The following CAST variants were observed in gnomAD, a reference collection of about 807,000 sequenced individuals.
CAST encodes calpastatin.
Under a neutral mutation model 119.6 loss-of-function variants are expected in CAST, and 76 were observed. That is an observed-to-expected ratio of 0.64 (90% CI 0.53 to 0.77). The LOEUF (loss-of-function observed/expected upper bound fraction) is 0.77. Ranked by LOEUF, CAST falls within the 30% of genes least tolerant of loss-of-function variation. The pLI, the probability that CAST is intolerant of heterozygous loss-of-function variation, is 0.00. For synonymous variants in CAST, 319 were observed against 331.6 expected (o/e 0.96, Z 0.41); for missense variants, 953 against 946.5 (o/e 1.01, Z -0.09).
the CAST span, among the ~76,000 whole-genome samples, chr5:96,497,688 G>A: frequency 6.6e-6 from 1 of 152,122 alleles, no homozygotes. Flanking sequence ...CATATCCTTT[G>A]CCCACTTTTT....
intron 1 of CAST, among the ~76,000 whole-genome samples, chr5:96,614,677 A>G (rs984798036): frequency 1.3e-5 from 2 of 152,290 alleles, no homozygotes; most frequent in Middle Eastern, 3.4e-3. Flanking sequence ...ACCCACCTCC[A>G]TCCAAAGCCT....
the CAST span, among the ~76,000 whole-genome samples, chr5:96,226,494 T>C: frequency 9.8e-4 from 149 of 151,782 alleles, no homozygotes; most frequent in African/African-American, 3.3e-3. Context: ...CTATAAAAAA[T>C]ACAAAAAATT....
At chr5:96,093,315 TG>T in the CAST span, among the ~76,000 whole-genome samples, 1,552 of 152,134 alleles carry the variant, frequency 0.01, 32 homozygotes, top group African/African-American at 0.036. Flanking sequence ...ACAGAGAAAA[TG>T]TTTATTGAGC....
At chr5:96,234,484 A>T in the CAST span, among the ~76,000 whole-genome samples, 69 of 152,116 alleles carry the variant, frequency 4.5e-4, no homozygotes, top group African/African-American at 1.6e-3. Flanking sequence ...CCAAACAGGA[A>T]TTTTTTTTCC....
the CAST span, among the ~76,000 whole-genome samples, chr5:96,436,528 CT>C: frequency 6.6e-6 from 1 of 152,164 alleles, no homozygotes; most frequent in African/African-American, 2.4e-5. Flanking sequence ...GACAAATGAT[CT>C]TTTTATATTC....
chr5:95,975,477 T>C, the CAST span, among the ~76,000 whole-genome samples: 1 of 152,180 alleles, frequency 6.6e-6, no homozygotes, highest in Non-Finnish European at 1.5e-5. Context: ...GGTTGCAAAA[T>C]TCTCCTAACA....
chr5:96,576,821 C>T (rs139398824), intron 1 of CAST, among the ~76,000 whole-genome samples: 151 of 152,032 alleles, frequency 9.9e-4, no homozygotes, highest in African/African-American at 2.5e-3. Flanking sequence ...CCTAACTGAC[C>T]TCTTTCCAGT....
the CAST span, among the ~76,000 whole-genome samples, chr5:96,283,137 A>AAAAAAAAAAAAAAG: frequency 7.5e-6 from 1 of 132,984 alleles, no homozygotes; most frequent in Non-Finnish European, 1.5e-5. Context: ...CTCAAAAAAA[A>AAAAAAAAAAAAAAG]AAAAAAAAGA....
At chr5:96,058,855 T>G in the CAST span, among the ~76,000 whole-genome samples, 23 of 152,242 alleles carry the variant, frequency 1.5e-4, no homozygotes, top group African/African-American at 5.5e-4. Context: ...AAAGTTACTC[T>G]TATCTCCTAC....
the CAST span, among the ~76,000 whole-genome samples, chr5:96,502,636 C>A: frequency 6.6e-6 from 1 of 150,458 alleles, no homozygotes; most frequent in Admixed American, 6.7e-5. Context: ...TTCTTTCTTT[C>A]TTTCTTTCTT....
the CAST span, among the ~76,000 whole-genome samples, chr5:96,170,300 G>A: frequency 9.3e-3 from 1,416 of 152,264 alleles, 13 homozygotes; most frequent in African/African-American, 0.032. Flanking sequence ...CCGGGCTGCC[G>A]GCATTCCTTG....
chr5:96,617,291 G>A, intron 1 of CAST, among the ~76,000 whole-genome samples: 1 of 151,918 alleles, frequency 6.6e-6, no homozygotes, highest in East Asian at 1.9e-4. Flanking sequence ...ATCCCCCCAA[G>A]TCCTATCTAG....
At chr5:96,613,809 C>A (rs1490695901) in intron 1 of CAST, among the ~76,000 whole-genome samples, 2 of 152,226 alleles carry the variant, frequency 1.3e-5, no homozygotes, top group Non-Finnish European at 2.9e-5. Context: ...CAATGTACAT[C>A]TTAATCCTGT....
At chr5:96,148,227 A>T in the CAST span, among the ~76,000 whole-genome samples, 1 of 152,180 alleles carries the variant, frequency 6.6e-6, no homozygotes, top group African/African-American at 2.4e-5. Context: ...TTTCCATTTT[A>T]ATTTTGTCTC....
the CAST span, among the ~76,000 whole-genome samples, chr5:95,979,116 G>A: frequency 8.3e-3 from 1,259 of 152,188 alleles, 14 homozygotes; most frequent in African/African-American, 0.029. Flanking sequence ...TGTTGCTAAC[G>A]TCCCCTATAA....
chr5:96,613,669 T>A (rs1747403281), intron 1 of CAST, among the ~76,000 whole-genome samples: 1 of 152,212 alleles, frequency 6.6e-6, no homozygotes, highest in African/African-American at 2.4e-5. Context: ...AAAGCATTTT[T>A]AAATGAAACA....
chr5:96,135,778 G>A, the CAST span, among the ~76,000 whole-genome samples: 1 of 152,034 alleles, frequency 6.6e-6, no homozygotes, highest in East Asian at 1.9e-4. Flanking sequence ...TGTATATGAG[G>A]CCAGGCATAG....
chr5:96,134,945 G>A, the CAST span, among the ~76,000 whole-genome samples: 1 of 152,194 alleles, frequency 6.6e-6, no homozygotes, highest in Non-Finnish European at 1.5e-5. Context: ...GAGGGACATG[G>A]GAGCTGACAA....
chr5:96,486,033 G>C, the CAST span, among the ~76,000 whole-genome samples: 1 of 152,086 alleles, frequency 6.6e-6, no homozygotes, highest in African/African-American at 2.4e-5. Flanking sequence ...CTTCCAGAGA[G>C]GTCCAAAAAA....
Sources: allele counts gnomAD v4.1 joint callset (sites outside exome capture counted in the v4.1 genomes callset), GRCh38; gene constraint gnomAD v4.1.1; transcripts MANE v1.5; gene names NCBI Gene and HGNC (gene_info 2026-07-23, HGNC 2026-07-21).